The following EEPD1 variants were observed in gnomAD, a reference collection of about 807,000 sequenced individuals.
EEPD1 encodes endonuclease/exonuclease/phosphatase family domain-containing protein 1.
In EEPD1, 17 loss-of-function variants were observed where a neutral mutation model predicts 46.3. That is an observed-to-expected ratio of 0.37 (90% confidence interval 0.25 to 0.55). The LOEUF is 0.55. EEPD1 is among the 20% of genes least tolerant of loss of function. The pLI, the probability that EEPD1 is intolerant of heterozygous loss-of-function variation, is 0.83. For synonymous variants in EEPD1, 313 were observed against 315.6 expected (o/e 0.99, Z 0.09); for missense variants, 673 against 745.6 (o/e 0.90, Z 1.13).
At chr7:36,190,965 A>G (rs1785451641) in intron 2 of EEPD1, among the ~76,000 whole-genome samples, 1 of 152,164 alleles carries the variant, frequency 6.6e-6, no homozygotes, top group African/African-American at 2.4e-5. Context: ...CCCTTAAGTC[A>G]CTATCGGTCA....
chr7:36,272,728 T>C (rs1002366085), intron 3 of EEPD1, among the ~76,000 whole-genome samples: 3 of 152,154 alleles, frequency 2.0e-5, no homozygotes, highest in Admixed American at 2.0e-4. Context: ...TCTACCTTCC[T>C]CTGCATGATA....
chr7:36,252,475 C>G (rs925689868), intron 3 of EEPD1, among the ~76,000 whole-genome samples: 4 of 152,158 alleles, frequency 2.6e-5, no homozygotes, highest in African/African-American at 9.7e-5. Flanking sequence ...CATAGTGTGG[C>G]CATGCTAAAA....
chr7:36,273,044 G>A (rs934113629), intron 3 of EEPD1, among the ~76,000 whole-genome samples: 6 of 152,116 alleles, frequency 3.9e-5, no homozygotes, highest in African/African-American at 7.2e-5. Context: ...GTGACCCGAG[G>A]CATCAGTGAC....
intron 2 of EEPD1, among the ~76,000 whole-genome samples, chr7:36,159,559 G>A (rs1784871543): frequency 6.6e-6 from 1 of 152,220 alleles, no homozygotes; most frequent in African/African-American, 2.4e-5. Flanking sequence ...TACTTTCAAA[G>A]CGGAGGGATT....
chr7:36,183,201 C>T (rs937685843), intron 2 of EEPD1, among the ~76,000 whole-genome samples: 3 of 152,110 alleles, frequency 2.0e-5, no homozygotes, highest in Middle Eastern at 6.8e-3. Context: ...GCTGTGTAGA[C>T]GGCACGCATG....
intron 2 of EEPD1, among the ~76,000 whole-genome samples, chr7:36,202,481 C>T (rs958570101): frequency 6.6e-6 from 1 of 152,146 alleles, no homozygotes; most frequent in Non-Finnish European, 1.5e-5. Flanking sequence ...CAACTCACAA[C>T]CAGGACTGTA....
At chr7:36,183,857 G>A (rs900346352) in intron 2 of EEPD1, among the ~76,000 whole-genome samples, 14 of 121,728 alleles carry the variant, frequency 1.2e-4, no homozygotes, top group African/African-American at 2.1e-4. Flanking sequence ...TGTTTTATCC[G>A]GATTATTCCT....
At chr7:36,201,839 A>G (rs187411264) in intron 2 of EEPD1, among the ~76,000 whole-genome samples, 4 of 152,206 alleles carry the variant, frequency 2.6e-5, no homozygotes, top group Non-Finnish European at 5.9e-5. Flanking sequence ...TTCTTGCTGG[A>G]TGGAGCCTGA....
At chr7:36,178,925 G>T (rs1233093501) in intron 2 of EEPD1, among the ~76,000 whole-genome samples, 3 of 152,224 alleles carry the variant, frequency 2.0e-5, no homozygotes, top group Non-Finnish European at 2.9e-5. Context: ...CTGAGTCTCT[G>T]TTCAGGAGAA....
At chr7:36,196,380 G>GTCTCCCTCTCCCATCTCCCTCTCCC (rs879930707) in intron 2 of EEPD1, among the ~76,000 whole-genome samples, 4 of 151,462 alleles carry the variant, frequency 2.6e-5, no homozygotes, top group East Asian at 3.9e-4. Flanking sequence ...CTCGTCTCCC[G>GTCTCCCTCTCCCATCTCCCTCTCCC]TCTCCCTCTC....
At chr7:36,252,010 C>T (rs1274946233) in intron 3 of EEPD1, among the ~76,000 whole-genome samples, 1 of 152,186 alleles carries the variant, frequency 6.6e-6, no homozygotes, top group Non-Finnish European at 1.5e-5. Flanking sequence ...CTTAGCTTAT[C>T]TAGGTCAGCT....
intron 2 of EEPD1, among the ~76,000 whole-genome samples, chr7:36,213,622 C>G (rs1006467809): frequency 6.6e-6 from 1 of 151,994 alleles, no homozygotes; most frequent in African/African-American, 2.4e-5. Context: ...CATTGAAGGC[C>G]CTGGCAAAGG....
At chr7:36,294,193 A>G (rs1195132172) in intron 6 of EEPD1, among the ~76,000 whole-genome samples, 1 of 152,224 alleles carries the variant, frequency 6.6e-6, no homozygotes, top group Non-Finnish European at 1.5e-5. Flanking sequence ...GTTAAAGTTA[A>G]CATGAGTTTA....
chr7:36,290,887 T>C (rs1787418843), intron 6 of EEPD1, among the ~76,000 whole-genome samples: 3 of 152,222 alleles, frequency 2.0e-5, no homozygotes, highest in African/African-American at 7.2e-5. Flanking sequence ...GGTGGGTGGC[T>C]TTTTAGGAAG....
chr7:36,209,420 T>C (rs902733717), intron 2 of EEPD1, among the ~76,000 whole-genome samples: 3 of 152,180 alleles, frequency 2.0e-5, no homozygotes, highest in African/African-American at 7.2e-5. Context: ...GTGAGGAGGA[T>C]TGTAGAGCCA....
intron 2 of EEPD1, among the ~76,000 whole-genome samples, chr7:36,196,460 G>A (rs945547190): frequency 6.6e-6 from 1 of 151,932 alleles, no homozygotes; most frequent in Non-Finnish European, 1.5e-5. Flanking sequence ...CTCTCATGCC[G>A]GGCCAAAGCT....
chr7:36,269,748 TA>T (rs36059663), intron 3 of EEPD1, among the ~76,000 whole-genome samples: 22,001 of 152,174 alleles, frequency 0.14, 1,832 homozygotes, highest in Non-Finnish European at 0.18. Flanking sequence ...TTTAAAATTT[TA>T]AAAAATAAAG....
intron 3 of EEPD1, among the ~76,000 whole-genome samples, chr7:36,276,471 C>T (rs966133715): frequency 1.3e-5 from 2 of 152,142 alleles, no homozygotes; most frequent in African/African-American, 2.4e-5. Flanking sequence ...ATGCCCATTG[C>T]GTACCTACTG....
chr7:36,206,323 AACAG>A (rs1267860635), intron 2 of EEPD1, among the ~76,000 whole-genome samples: 1 of 151,294 alleles, frequency 6.6e-6, no homozygotes, highest in Non-Finnish European at 1.5e-5. Flanking sequence ...GGCAAGAAGA[AACAG>A]ACAACAGTCA....
Sources: gnomAD v4.1 joint callset for allele counts (sites outside exome capture counted in the v4.1 genomes callset) on GRCh38, gnomAD v4.1.1 for gene constraint, MANE v1.5 for transcripts, NCBI Gene and HGNC (gene_info 2026-07-23, HGNC 2026-07-21) for gene names.